Variants in SLC4A7 observed in about 807,000 individuals in gnomAD.
SLC4A7 encodes the protein sodium bicarbonate cotransporter 3.
SLC4A7 carries 51 observed loss-of-function variants against 137.6 expected under a neutral mutation model. The observed-to-expected ratio is 0.37, with a 90% CI of 0.30 to 0.47. The LOEUF is 0.47. SLC4A7 is among the 20% of genes least tolerant of loss of function. SLC4A7 has a pLI of 1.00. For missense variants in SLC4A7, 1,247 were observed against 1,525.4 expected (o/e 0.82, Z 3.04); for synonymous variants, 542 against 518.6 (o/e 1.05, Z -0.61).
chr3:27,454,968 TATCATAGATAA>T (rs1240731502), intron 1 of SLC4A7, among the ~76,000 whole-genome samples: 1 of 151,608 alleles, frequency 6.6e-6, no homozygotes, highest in Non-Finnish European at 1.5e-5. Context: ...TCTAAATATC[TATCATAGATAA>T]ATGCTCCCAC....
At chr3:27,410,002 G>A (rs769760387) in intron 12 of SLC4A7, among the ~76,000 whole-genome samples, 6 of 152,092 alleles carry the variant, frequency 3.9e-5, no homozygotes, top group African/African-American at 1.4e-4. Flanking sequence ...ATGCACAAGT[G>A]GTATGAATTC....
At chr3:27,423,545 T>C (rs1173556466) in intron 8 of SLC4A7, 1 of 152,340 alleles carries the variant, frequency 6.6e-6, no homozygotes, top group African/African-American at 2.4e-5. Flanking sequence ...AATCCATGCC[T>C]TTAACCTACC....
intron 10 of SLC4A7, among the ~76,000 whole-genome samples, chr3:27,420,180 GAAAAGAAAAAGA>G (rs967291896): frequency 1.3e-5 from 2 of 151,276 alleles, no homozygotes; most frequent in African/African-American, 4.9e-5. Context: ...AAAAAGAAAA[GAAAAGAAAAAGA>G]AAAAGAAAAA....
At chr3:27,452,175 CTG>C (rs1245284206) in intron 2 of SLC4A7, among the ~76,000 whole-genome samples, 17 of 152,240 alleles carry the variant, frequency 1.1e-4, no homozygotes, top group African/African-American at 4.1e-4. Flanking sequence ...AATTTTGTGA[CTG>C]TGTCCTTTCA....
intron 13 of SLC4A7, among the ~76,000 whole-genome samples, chr3:27,406,693 C>T (rs1321396431): frequency 6.6e-6 from 1 of 152,084 alleles, no homozygotes; most frequent in Non-Finnish European, 1.5e-5. Context: ...CTTTGGGAAG[C>T]CGAGGTGGGT....
chr3:27,449,859 T>C (rs1338621275), intron 2 of SLC4A7, among the ~76,000 whole-genome samples: 5 of 152,206 alleles, frequency 3.3e-5, no homozygotes, highest in Admixed American at 3.3e-4. Context: ...TTCCATAAAA[T>C]GCTCAGAAAA....
At chr3:27,384,022 G>C (rs1576086072) in intron 23 of SLC4A7, among the ~76,000 whole-genome samples, 2 of 152,196 alleles carry the variant, frequency 1.3e-5, no homozygotes, top group African/African-American at 4.8e-5. Context: ...GACCAACTTG[G>C]ACAGTGGACA....
Position 27,397,804 on chromosome 3 carries a change from TA to T in SLC4A7, c.2590-8del. The T allele has an allele frequency of 6.9e-7, 1 of 1,442,768 alleles. No homozygotes were observed. The highest frequency in any genetic ancestry group is 9.7e-7 in the Non-Finnish European group (1 of 1,029,338). 89.4% of individuals were successfully genotyped at this position (1,442,768 alleles called of 1,614,324 possible). A position where few individuals can be genotyped will look rare whatever the true frequency, so the allele number is the denominator to read the frequency against. On this transcript the variant is annotated splice_region_variant and splice_polypyrimidine_tract_variant and intron_variant, in intron 17 of 25. Coordinates refer to ENST00000454389, the MANE Select transcript of SLC4A7 (RefSeq NM_001321103.2). ...CACTGATTGTCGATCGCACCTATGT[TA>T]AAGGGATTATGTTAATATAAACACA...
At chr3:27,418,403 G>C in intron 11 of SLC4A7, 83 bp downstream of exon 11, 1 of 1,094,368 alleles carries the variant, frequency 9.1e-7, no homozygotes, top group East Asian at 2.7e-5. Context: ...AAACTTCTCT[G>C]TTTTGGTTTT....
intron 1 of SLC4A7, among the ~76,000 whole-genome samples, chr3:27,468,513 T>C (rs903836966): frequency 1.3e-5 from 2 of 152,138 alleles, no homozygotes; most frequent in African/African-American, 4.8e-5. Flanking sequence ...AGAGCTGCAC[T>C]GTGCTATGAA....
chr3:27,393,993 G>A (rs1003046401), intron 20 of SLC4A7, among the ~76,000 whole-genome samples: 3 of 151,740 alleles, frequency 2.0e-5, no homozygotes, highest in East Asian at 1.9e-4. Flanking sequence ...ATTTATGAGC[G>A]TTTTATACAT....
intron 22 of SLC4A7, among the ~76,000 whole-genome samples, chr3:27,388,243 G>A (rs1269139668): frequency 6.6e-6 from 1 of 152,092 alleles, no homozygotes; most frequent in African/African-American, 2.4e-5. Context: ...TGGAAATTCT[G>A]CTAAATTTGT....
chr3:27,436,226 C>T (rs1224889487), intron 5 of SLC4A7, among the ~76,000 whole-genome samples, 162 bp downstream of exon 5: 1 of 152,176 alleles, frequency 6.6e-6, no homozygotes, highest in East Asian at 1.9e-4. Context: ...ACACTTATGT[C>T]GGTTTAATTT....
intron 22 of SLC4A7, among the ~76,000 whole-genome samples, chr3:27,388,027 G>A (rs931330388): frequency 6.6e-6 from 1 of 152,084 alleles, no homozygotes; most frequent in Non-Finnish European, 1.5e-5. Flanking sequence ...TGATCATTGA[G>A]AGAGACTGCC....
intron 2 of SLC4A7, among the ~76,000 whole-genome samples, chr3:27,449,338 C>T (rs916858797): frequency 2.7e-5 from 4 of 148,912 alleles, no homozygotes; most frequent in Admixed American, 2.0e-4. Flanking sequence ...CAATTAAATA[C>T]TTTATAATAA....
intron 1 of SLC4A7, among the ~76,000 whole-genome samples, chr3:27,472,064 C>A (rs1300797929): frequency 6.6e-6 from 1 of 152,286 alleles, no homozygotes; most frequent in South Asian, 2.1e-4. Context: ...TACCAAATTA[C>A]AATCTTAAAC....
At chr3:27,392,686 G>C (rs983641913) in intron 20 of SLC4A7, among the ~76,000 whole-genome samples, 1 of 151,862 alleles carries the variant, frequency 6.6e-6, no homozygotes, top group African/African-American at 2.4e-5. Flanking sequence ...AATTAGCTGG[G>C]CATGGTGGCA....
At chr3:27,476,866 T>C (rs1402484778) in intron 1 of SLC4A7, among the ~76,000 whole-genome samples, 3 of 152,196 alleles carry the variant, frequency 2.0e-5, no homozygotes, top group Non-Finnish European at 2.9e-5. Context: ...AACAGACTAA[T>C]ACATCATCCT....
chr3:27,418,385 T>A, intron 11 of SLC4A7, 101 bp downstream of exon 11: 1 of 840,988 alleles, frequency 1.2e-6, no homozygotes, highest in Non-Finnish European at 1.9e-6. Context: ...CAGGACGAGG[T>A]GGGGATAAAA....
Sources: gnomAD v4.1 joint callset for allele counts (sites outside exome capture counted in the v4.1 genomes callset) on GRCh38, gnomAD v4.1.1 for gene constraint, MANE v1.5 for transcripts, NCBI Gene and HGNC (gene_info 2026-07-23, HGNC 2026-07-21) for gene names.